MAP2K5: variants seen among roughly 807,000 people sequenced by gnomAD.
The protein encoded by MAP2K5 is dual specificity mitogen-activated protein kinase kinase 5.
A neutral mutation model predicts 83.1 loss-of-function variants in MAP2K5; 49 were observed. The observed-to-expected ratio is 0.59, with a 90% CI of 0.47 to 0.75. MAP2K5 has a LOEUF of 0.75. Among genes scored for constraint, MAP2K5 ranks in the 30% least tolerant of loss-of-function variants. MAP2K5 has a pLI of 0.00. For missense variants in MAP2K5, 457 were observed against 557.5 expected (o/e 0.82, Z 1.82); for synonymous variants, 202 against 191.8 (o/e 1.05, Z -0.44).
Position 67,559,774 on chromosome 15 carries a change from C to G in MAP2K5, c.185-3509C>G, listed in dbSNP as rs1473106226. The stretch of plus-strand genomic sequence containing the variant: ...GAAGCCTGGAATTCTCATTGTGAAC[C>G]AATGTATCAGATCTGTCTGCTCCCC... On this transcript the variant is annotated intron_variant, in intron 2 of 21. Coordinates refer to ENST00000178640, the MANE Select transcript of MAP2K5 (RefSeq NM_145160.3). The surrounding 1 kb of genome is among the most constrained non-coding windows in gnomAD (Gnocchi z 4.7). Among the ~76,000 whole-genome samples, 1 of 152,148 alleles carries G rather than the reference C, an allele frequency of 6.6e-6. No homozygotes were observed. The highest frequency in any genetic ancestry group is 2.4e-5 in the African/African-American group (1 of 41,430).
At position 67,670,365 on chromosome 15, in the gene MAP2K5, A is replaced by G. The variant is rs2141164690; in HGVS notation, c.847+5720A>G. 11 of 454,618 alleles carry G rather than the reference A, an allele frequency of 2.4e-5. 1 individual carries two copies. The highest frequency in any genetic ancestry group is 1.6e-4 in the South Asian group (10 of 64,276). The allele number at this position is 454,618 out of a possible 1,614,324, so 28.2% of individuals were successfully genotyped here. On this transcript the variant is annotated intron_variant, in intron 13 of 21. Coordinates refer to ENST00000178640, the MANE Select transcript of MAP2K5 (RefSeq NM_145160.3). Reference sequence around the variant, plus strand: ...ATGAAGGAACATTTTGGTATGTTGGAAATGTTCTGTAGCTTGATTTTTGTG... The same window carrying G: ...ATGAAGGAACATTTTGGTATGTTGGGAATGTTCTGTAGCTTGATTTTTGTG...
In MAP2K5 at chr15:67,755,409, C is replaced by T. The variant is rs147686017; in HGVS notation, c.1134+6808C>T. ...TCTTCTAGAACAGAAATATTAGCTG[C>T]CCCTTAGTCTGCCTGACTCACATAG... is the stretch of plus-strand genomic sequence containing the variant. On this transcript the variant is annotated intron_variant, in intron 19 of 21. Transcript: ENST00000178640. This position sits in a 1 kb window ranked among gnomAD's most constrained non-coding sequence, Gnocchi z 4.7. Among the ~76,000 whole-genome samples, 120 of 152,254 alleles carry T rather than the reference C, an allele frequency of 7.9e-4. 1 individual carries two copies. Among genetic ancestry groups the T allele is most frequent in the African/African-American group, 2.8e-3 (116 of 41,536 alleles).
chr15:67,793,472 C>T lies in MAP2K5; in HGVS notation c.1243-13174C>T, dbSNP rs573416935. ...TCATTTCTTGCTGCTGTTCTTGTTC[C>T]TCCCTTTAACACACCTTCGTCTTCT... On this transcript the variant is annotated intron_variant, in intron 21 of 21. Coordinates refer to ENST00000178640, the MANE Select transcript of MAP2K5 (RefSeq NM_145160.3). This position sits in a 1 kb window ranked among gnomAD's most constrained non-coding sequence, Gnocchi z 4.6. 8.6e-4 allele frequency among the ~76,000 whole-genome samples: 131 copies of T among 152,188 alleles called. No individual in the cohort carries two copies. The highest frequency in any genetic ancestry group is 1.8e-3 in the Admixed American group (27 of 15,292).
rs952151786 is a variant in MAP2K5 at position 67,746,573 on chromosome 15, C to T, written c.1075-1658C>T. On this transcript the variant is annotated intron_variant, in intron 17 of 21. Transcript: ENST00000178640. This position sits in a 1 kb window ranked among gnomAD's most constrained non-coding sequence, Gnocchi z 4.1. Reference sequence around the variant, plus strand: ...TGTTACTGAAATTCTTAACCACTTCCGGGTGGTGGTTACAGCTCCGCCTTC... The same window carrying T: ...TGTTACTGAAATTCTTAACCACTTCTGGGTGGTGGTTACAGCTCCGCCTTC... 2.0e-5 allele frequency among the ~76,000 whole-genome samples: 3 copies of T among 152,046 alleles called. No individual in the cohort carries two copies. Among genetic ancestry groups the T allele is most frequent in the African/African-American group, 7.2e-5 (3 of 41,380 alleles).
chr15:67,657,604 A>G (rs1007243053), intron 11 of MAP2K5, among the ~76,000 whole-genome samples: 11 of 151,748 alleles, frequency 7.2e-5, no homozygotes, highest in Non-Finnish European at 1.3e-4. Flanking sequence ...TGTAATGTTT[A>G]GTTACACAGT....
intron 9 of MAP2K5, among the ~76,000 whole-genome samples, chr15:67,635,527 A>G (rs1408962155): frequency 6.6e-6 from 1 of 151,856 alleles, no homozygotes; most frequent in Non-Finnish European, 1.5e-5. Context: ...ATAGTATTCT[A>G]TTTTTATTCC....
At position 67,758,952 on chromosome 15, in the gene MAP2K5, A is replaced by G. The variant is rs958292269; in HGVS notation, c.1134+10351A>G. On this transcript the variant is annotated intron_variant, in intron 19 of 21. Transcript: ENST00000178640. The surrounding 1 kb of genome is among the most constrained non-coding windows in gnomAD (Gnocchi z 4.7). ...AGCATTGCAGACATGCTCAAAGGGCATACGTGTTTTGCAACTCAGTTCAGT... is the reference window on the plus strand; with the variant it reads ...AGCATTGCAGACATGCTCAAAGGGCGTACGTGTTTTGCAACTCAGTTCAGT... Among the ~76,000 whole-genome samples the G allele has an allele frequency of 2.6e-5, 4 of 152,214 alleles. No individual in the cohort carries two copies. The highest frequency in any genetic ancestry group is 1.9e-4 in the East Asian group (1 of 5,196).
At chr15:67,712,355 T>A (rs1201996486) in intron 16 of MAP2K5, among the ~76,000 whole-genome samples, 1 of 152,340 alleles carries the variant, frequency 6.6e-6, no homozygotes, top group East Asian at 1.9e-4. Flanking sequence ...GCCCCATCCA[T>A]GAGCACAGTT....
At chr15:67,737,059 G>GA (rs959962948) in intron 17 of MAP2K5, among the ~76,000 whole-genome samples, 3 of 152,230 alleles carry the variant, frequency 2.0e-5, no homozygotes, top group African/African-American at 7.2e-5. Flanking sequence ...ACTTTAGAGG[G>GA]ATGGTGGGGG....
Position 67,774,076 on chromosome 15 carries a change from G to A in MAP2K5, c.1242+1324G>A, listed in dbSNP as rs367780480. Among the ~76,000 whole-genome samples, 3 of 152,124 alleles carry A rather than the reference G, an allele frequency of 2.0e-5. No individual in the cohort carries two copies. The highest frequency in any genetic ancestry group is 1.3e-4 in the Admixed American group (2 of 15,284). On this transcript the variant is annotated intron_variant, in intron 21 of 21. Coordinates refer to ENST00000178640, the MANE Select transcript of MAP2K5 (RefSeq NM_145160.3). The surrounding 1 kb of genome is among the most constrained non-coding windows in gnomAD (Gnocchi z 4.9). ...ATAAATGTATATGGATGTATATGTT[G>A]GTAAGGAACACCACTCCAGGGTGGC...
At position 67,665,804 on chromosome 15, in the gene MAP2K5, G is replaced by A. The variant is rs1354467836; in HGVS notation, c.847+1159G>A. Among the ~76,000 whole-genome samples, 1 of 152,100 alleles carries A rather than the reference G, an allele frequency of 6.6e-6. No homozygotes were observed. The highest frequency in any genetic ancestry group is 1.5e-5 in the Non-Finnish European group (1 of 68,014). ...GGTGTAGGGAGAGTGAGTTTTGTTA[G>A]TGTTACTTTCTCTGAGTATAAATAA... On this transcript the variant is annotated intron_variant, in intron 13 of 21. Transcript: ENST00000178640. This position sits in a 1 kb window ranked among gnomAD's most constrained non-coding sequence, Gnocchi z 4.2.
At chr15:67,733,775 AGAT>A (rs200297141) in intron 17 of MAP2K5, among the ~76,000 whole-genome samples, 1 of 152,324 alleles carries the variant, frequency 6.6e-6, no homozygotes, top group East Asian at 1.9e-4. Context: ...AAACATAGGT[AGAT>A]AATAAGTGAA....
chr15:67,615,608 G>A lies in MAP2K5; in HGVS notation c.545+14859G>A, dbSNP rs187924907. 7.2e-5 allele frequency among the ~76,000 whole-genome samples: 11 copies of A among 152,112 alleles called. No homozygotes were observed. In the East Asian group the frequency reaches 1.9e-3, roughly 27 times the overall value. On this transcript the variant is annotated intron_variant, in intron 8 of 21. Coordinates refer to ENST00000178640, the MANE Select transcript of MAP2K5 (RefSeq NM_145160.3). ...CGAAGCTTGGCCATTAGTCCTAAACGTGTTAATAAAATCTACCTTCAAATA... is the reference window on the plus strand; with the variant it reads ...CGAAGCTTGGCCATTAGTCCTAAACATGTTAATAAAATCTACCTTCAAATA...
In MAP2K5 at chr15:67,790,111, T is replaced by TA. The variant is rs1313596822; in HGVS notation, c.1243-16529dup. Among the ~76,000 whole-genome samples the TA allele has an allele frequency of 6.6e-6, 1 of 152,214 alleles. No homozygotes were observed. The highest frequency in any genetic ancestry group is 1.9e-4 in the East Asian group (1 of 5,200). On this transcript the variant is annotated intron_variant, in intron 21 of 21. Coordinates refer to ENST00000178640, the MANE Select transcript of MAP2K5 (RefSeq NM_145160.3). The surrounding 1 kb of genome is among the most constrained non-coding windows in gnomAD (Gnocchi z 4.6). ...TGGTTGTGTATCTTTCTTCCACTCTTAAAAAAGCAGGCTTGGAAATTGCAA... is the reference window on the plus strand; with the variant it reads ...TGGTTGTGTATCTTTCTTCCACTCTTAAAAAAAGCAGGCTTGGAAATTGCAA...
Position 67,724,633 on chromosome 15 carries a change from A to G in MAP2K5, c.1045-3283A>G, listed in dbSNP as rs746098141. Among the ~76,000 whole-genome samples, 2 of 152,172 alleles carry G rather than the reference A, an allele frequency of 1.3e-5. No individual in the cohort carries two copies. The highest frequency in any genetic ancestry group is 1.9e-4 in the East Asian group (1 of 5,202). On this transcript the variant is annotated intron_variant, in intron 16 of 21. Coordinates refer to ENST00000178640, the MANE Select transcript of MAP2K5 (RefSeq NM_145160.3). This position sits in a 1 kb window ranked among gnomAD's most constrained non-coding sequence, Gnocchi z 4.4. ...CCATTTTCTTTTTTACCTCCTCCCA[A>G]TAGAACTTGATAAAAAGAGTTCTAG...
intron 21 of MAP2K5, among the ~76,000 whole-genome samples, chr15:67,796,259 G>GT (rs1441221249): frequency 2.0e-5 from 3 of 152,074 alleles, no homozygotes; most frequent in African/African-American, 7.3e-5. Context: ...TTGTATTGCA[G>GT]TAAGGTTTCT....
intron 7 of MAP2K5, among the ~76,000 whole-genome samples, chr15:67,597,779 C>T (rs1021262520): frequency 6.6e-6 from 1 of 152,100 alleles, no homozygotes; most frequent in African/African-American, 2.4e-5. Context: ...TTTTTGTAAT[C>T]AATTCTTGGG....
chr15:67,622,161 AAAAG>A (rs1291446988), intron 8 of MAP2K5, among the ~76,000 whole-genome samples: 1 of 151,896 alleles, frequency 6.6e-6, no homozygotes, highest in Non-Finnish European at 1.5e-5. Flanking sequence ...AAAAAAAAAA[AAAAG>A]AAGATGAAGG....
Position 67,698,577 on chromosome 15 carries a change from C to G in MAP2K5, c.973-4760C>G, listed in dbSNP as rs2088323538. On this transcript the variant is annotated intron_variant, in intron 15 of 21. Transcript: ENST00000178640. This position sits in a 1 kb window ranked among gnomAD's most constrained non-coding sequence, Gnocchi z 4.5. ...CCAACTATTCAGTCTTCCTGGCTTA[C>G]TATCATTTTAAAAATCAAATATAAA... 6.6e-6 allele frequency among the ~76,000 whole-genome samples: 1 copy of G among 152,156 alleles called. No individual in the cohort carries two copies. Among genetic ancestry groups the G allele is most frequent in the Non-Finnish European group, 1.5e-5 (1 of 68,032 alleles).
Sources: gnomAD v4.1 joint callset for allele counts (sites outside exome capture counted in the v4.1 genomes callset) on GRCh38, gnomAD v4.1.1 for gene constraint, Gnocchi (gnomAD v3.1) non-coding constraint, MANE v1.5 for transcripts, NCBI Gene and HGNC (gene_info 2026-07-23, HGNC 2026-07-21) for gene names.